The following RCAN2 variants were observed in gnomAD, a reference collection of about 807,000 sequenced individuals.
The protein encoded by RCAN2 is regulator of calcineurin 2.
A neutral mutation model predicts 23.6 loss-of-function variants in RCAN2; 9 were observed. That is an observed-to-expected ratio of 0.38 (90% CI 0.23 to 0.67). The LOEUF is 0.67. Among genes scored for constraint, RCAN2 ranks in the 30% least tolerant of loss-of-function variants. The pLI is 0.51. For missense variants in RCAN2, 273 were observed against 302.3 expected, an observed-to-expected ratio of 0.90 and a Z score of 0.72; for synonymous variants, 109 against 115.7, an observed-to-expected ratio of 0.94 and a Z score of 0.37.
chr6:46,469,665 T>C (rs1164645101), intron 1 of RCAN2, among the ~76,000 whole-genome samples: 1 of 152,148 alleles, frequency 6.6e-6, no homozygotes, highest in Non-Finnish European at 1.5e-5. Context: ...ATGTATACCA[T>C]CCTTCTACTT....
chr6:46,373,390 G>C (rs1047259988), intron 2 of RCAN2, among the ~76,000 whole-genome samples: 4 of 152,054 alleles, frequency 2.6e-5, no homozygotes, highest in African/African-American at 9.7e-5. Context: ...TCAGCCTCCT[G>C]AGTAGCGGGG....
At chr6:46,291,657 C>A (rs9463197) in intron 2 of RCAN2, among the ~76,000 whole-genome samples, 2,394 of 150,400 alleles carry the variant, frequency 0.016, 65 homozygotes, top group African/African-American at 0.055. Flanking sequence ...TTTTTTTCCC[C>A]ACAGACAAGA....
chr6:46,398,988 CTTAT>C (rs1329366982), intron 2 of RCAN2, among the ~76,000 whole-genome samples: 1 of 151,500 alleles, frequency 6.6e-6, no homozygotes, highest in African/African-American at 2.4e-5. Context: ...TTGTGTTATA[CTTAT>C]TTAAGGAGCA....
At chr6:46,286,148 A>G (rs566439323) in intron 2 of RCAN2, among the ~76,000 whole-genome samples, 10 of 152,352 alleles carry the variant, frequency 6.6e-5, no homozygotes, top group African/African-American at 2.4e-4. Flanking sequence ...ACCTAACTGA[A>G]TGTATAAACA....
At chr6:46,238,322 T>C (rs985911750) in intron 4 of RCAN2, among the ~76,000 whole-genome samples, 1 of 152,186 alleles carries the variant, frequency 6.6e-6, no homozygotes, top group African/African-American at 2.4e-5. Context: ...GACAACTCTT[T>C]GTCACATTCA....
chr6:46,350,104 T>C (rs999133192), intron 2 of RCAN2, among the ~76,000 whole-genome samples: 2 of 152,208 alleles, frequency 1.3e-5, no homozygotes, highest in African/African-American at 4.8e-5. Context: ...TGGTTTTCTC[T>C]CTTCAAATGT....
intron 2 of RCAN2, among the ~76,000 whole-genome samples, chr6:46,416,458 T>C (rs992078862): frequency 1.3e-5 from 2 of 151,260 alleles, no homozygotes; most frequent in African/African-American, 2.4e-5. Flanking sequence ...TGTAGAATAT[T>C]GGAAAATAGA....
chr6:46,419,539 T>C (rs1766812407), intron 2 of RCAN2, among the ~76,000 whole-genome samples: 1 of 152,222 alleles, frequency 6.6e-6, no homozygotes, highest in Non-Finnish European at 1.5e-5. Context: ...CCTGGGACCC[T>C]GTTTTAAATT....
At chr6:46,291,600 A>G (rs79742206) in intron 2 of RCAN2, among the ~76,000 whole-genome samples, 1,850 of 152,112 alleles carry the variant, frequency 0.012, 38 homozygotes, top group African/African-American at 0.039. Flanking sequence ...CTTCCTAACA[A>G]CAACAACAAC....
chr6:46,470,126 A>G (rs80075897), intron 1 of RCAN2, among the ~76,000 whole-genome samples: 1,830 of 152,322 alleles, frequency 0.012, 44 homozygotes, highest in African/African-American at 0.042. Context: ...CACAAAATGA[A>G]CTAAAACAAC....
chr6:46,402,827 C>G (rs2150403697), intron 2 of RCAN2, among the ~76,000 whole-genome samples: 1 of 152,318 alleles, frequency 6.6e-6, no homozygotes, highest in Non-Finnish European at 1.5e-5. Context: ...CTGAAGGCTC[C>G]TGTGTATACA....
chr6:46,429,980 T>A (rs1281361054), intron 2 of RCAN2, among the ~76,000 whole-genome samples: 1 of 151,798 alleles, frequency 6.6e-6, no homozygotes, highest in East Asian at 1.9e-4. Context: ...GACTCAGGAG[T>A]GAAGGAAAAG....
intron 2 of RCAN2, among the ~76,000 whole-genome samples, chr6:46,285,878 T>C (rs866249354): frequency 6.6e-6 from 1 of 152,218 alleles, no homozygotes; most frequent in Admixed American, 6.5e-5. Context: ...CTTCTGGTTA[T>C]GCCATTTACA....
intron 4 of RCAN2, among the ~76,000 whole-genome samples, chr6:46,241,968 A>C (rs560842161): frequency 6.6e-6 from 1 of 152,324 alleles, no homozygotes; most frequent in South Asian, 2.1e-4. Flanking sequence ...TCTCTGGATC[A>C]AAGATAGAAT....
chr6:46,235,132 A>G (rs1236471243), intron 4 of RCAN2, among the ~76,000 whole-genome samples: 1 of 152,248 alleles, frequency 6.6e-6, no homozygotes, highest in Admixed American at 6.5e-5. Flanking sequence ...CAAAGTTTAT[A>G]AAAATCAGCA....
intron 2 of RCAN2, among the ~76,000 whole-genome samples, chr6:46,304,099 A>G (rs1442716343): frequency 6.6e-6 from 1 of 152,116 alleles, no homozygotes; most frequent in African/African-American, 2.4e-5. Context: ...CATTTTTACT[A>G]ACCCTTGGCA....
At chr6:46,361,297 A>G (rs1260369350) in intron 2 of RCAN2, among the ~76,000 whole-genome samples, 2 of 152,210 alleles carry the variant, frequency 1.3e-5, no homozygotes, top group Non-Finnish European at 2.9e-5. Flanking sequence ...TCTGTGCACA[A>G]GAAGCCCAGC....
At chr6:46,372,098 A>C (rs1455232898) in intron 2 of RCAN2, among the ~76,000 whole-genome samples, 1 of 152,216 alleles carries the variant, frequency 6.6e-6, no homozygotes, top group Non-Finnish European at 1.5e-5. Flanking sequence ...ATTTAAAGGA[A>C]CTACATGGAA....
intron 2 of RCAN2, among the ~76,000 whole-genome samples, chr6:46,432,869 C>A (rs1278914836): frequency 6.6e-6 from 1 of 152,126 alleles, no homozygotes; most frequent in Non-Finnish European, 1.5e-5. Flanking sequence ...GTATATGCCA[C>A]TTTGTAATAG....
Sources: allele counts gnomAD v4.1 joint callset (sites outside exome capture counted in the v4.1 genomes callset), GRCh38; gene constraint gnomAD v4.1.1; transcripts MANE v1.5; gene names NCBI Gene and HGNC (gene_info 2026-07-23, HGNC 2026-07-21).